CYGB: variants seen among roughly 807,000 people sequenced by gnomAD.
CYGB encodes histoglobin.
A neutral mutation model predicts 20.7 loss-of-function variants in CYGB; 13 were observed. The ratio of observed to expected loss-of-function variants is 0.63; its 90% CI spans 0.41 to 1.00. The LOEUF (loss-of-function observed/expected upper bound fraction) is 1.00. Ranked by LOEUF, CYGB falls within the 50% of genes least tolerant of loss-of-function variation. The pLI is 0.00. For synonymous variants in CYGB, 93 were observed against 107.4 expected (o/e 0.87, Z 0.83); for missense variants, 218 against 257.2 (o/e 0.85, Z 1.04).
chr17:76,531,613 C>T lies in CYGB; in HGVS notation c.222G>A (p.Arg74=), dbSNP rs1410874757. 6.2e-7 allele frequency: 1 copy of T among 1,613,578 alleles called. No individual in the cohort carries two copies. The highest frequency in any genetic ancestry group is 1.1e-5 in the South Asian group (1 of 91,078). ...KHMEDPLEME[R]SPQLRKHACR... ...AGGCGTGCTTCCGCAGCTGGGGGCT[C>T]CGCTCCATCTCCAGGGGATCCTCCA... is the stretch of plus-strand genomic sequence containing the variant. The change falls in exon 2 of 4, where the codon CGG becomes CGA. Residue 74 remains arginine, a synonymous_variant. Transcript: ENST00000293230. The surrounding 1 kb of genome is among the most constrained non-coding windows in gnomAD (Gnocchi z 7.4).
At chr17:76,540,015 TA>T (rs1472949544), upstream of CYGB, 19 of 1,002,832 alleles carry the variant, frequency 1.9e-5, no homozygotes, top group Non-Finnish European at 2.9e-5. The surrounding 1 kb of genome is among the most constrained non-coding windows in gnomAD (Gnocchi z 5.0). Flanking sequence ...TTGAGCCTCC[TA>T]ATCCATCCCC....
At chr17:76,541,771 C>T (rs753016011), upstream of CYGB, among the ~76,000 whole-genome samples, 1 of 152,158 alleles carries the variant, frequency 6.6e-6, no homozygotes, top group African/African-American at 2.4e-5. Flanking sequence ...CTATTGAGCC[C>T]GGGTCTAGAG....
upstream of CYGB, chr17:76,540,225 T>C: frequency 9.2e-7 from 1 of 1,086,358 alleles, no homozygotes; most frequent in South Asian, 1.3e-5. The surrounding 1 kb of genome is among the most constrained non-coding windows in gnomAD (Gnocchi z 5.0). Flanking sequence ...CGTGAGAAAC[T>C]GACCGGGCTA....
At position 76,537,446 on chromosome 17, in the gene CYGB, G is replaced by T. The variant is rs749158794; in HGVS notation, c.97C>A (p.Arg33=). 2 of 1,598,722 alleles carry T rather than the reference G, an allele frequency of 1.3e-6. No homozygotes were observed. The highest frequency in any genetic ancestry group is 2.3e-5 in the East Asian group (1 of 42,840). Residue 33 remains arginine, a synonymous_variant, in exon 1 of 4, where the codon CGG becomes AGG. Transcript: ENST00000293230. The part of the protein sequence containing the change: ...ERKAVQAMWA[R]LYANCEDVGV... ...ACGTCCTCGCAGTTGGCATAGAGCC[G>T]GGCCCACATAGCCTGCACCGCCTTC... is the stretch of plus-strand genomic sequence containing the variant.
intron 1 of CYGB, chr17:76,545,221 A>C (rs1223473188): frequency 4.4e-6 from 2 of 456,676 alleles, no homozygotes; most frequent in Admixed American, 2.3e-5. Context: ...TGCTGCAGAA[A>C]GTTACCTCTC....
At position 76,531,722 on chromosome 17, in the gene CYGB, G is replaced by A. The variant is rs1429109140; in HGVS notation, c.144-31C>T. ...AAGAGGAACAGGGGTGGTCGCTGAA[G>A]CTGGAGGCTGCCTCGGGCCCACCCT... On this transcript the variant is annotated intron_variant, in intron 1 of 3. Coordinates refer to ENST00000293230, the MANE Select transcript of CYGB (RefSeq NM_134268.5). The surrounding 1 kb of genome is among the most constrained non-coding windows in gnomAD (Gnocchi z 7.4). 1 of 1,553,710 alleles carries A rather than the reference G, an allele frequency of 6.4e-7. No individual in the cohort carries two copies. The highest frequency in any genetic ancestry group is 8.8e-7 in the Non-Finnish European group (1 of 1,140,192).
At chr17:76,541,013 G>T (rs62086577), upstream of CYGB, among the ~76,000 whole-genome samples, 5 of 152,098 alleles carry the variant, frequency 3.3e-5, no homozygotes, top group African/African-American at 1.2e-4. Flanking sequence ...TAGAAGGCGC[G>T]GGAGGAGCAT....
At position 76,529,222 on chromosome 17, in the gene CYGB, G is replaced by C. The variant is rs137920412; in HGVS notation, c.540-611C>G. 449 of 985,420 alleles carry C rather than the reference G, an allele frequency of 4.6e-4. 1 individual carries two copies. The African/African-American group carries it at 7.4e-3, about 16-fold the overall frequency. The allele number at this position is 985,420 out of a possible 1,614,324, so 61.0% of individuals were successfully genotyped here. A position where few individuals can be genotyped will look rare whatever the true frequency, so the allele number is the denominator to read the frequency against. On this transcript the variant is annotated intron_variant, in intron 3 of 3. Coordinates refer to ENST00000293230, the MANE Select transcript of CYGB (RefSeq NM_134268.5). ...GAGCCCATGGGGACCCTGGCAGCAG[G>C]GAGGCTCTGCAGGCTCAGGCCAGGG... is the stretch of plus-strand genomic sequence containing the variant.
At chr17:76,534,241 A>G (rs915265132) in intron 1 of CYGB, among the ~76,000 whole-genome samples, 7 of 146,358 alleles carry the variant, frequency 4.8e-5, no homozygotes, top group African/African-American at 1.3e-4. Context: ...CACTGGTGCA[A>G]TCTTGGCTCA....
upstream of CYGB, chr17:76,539,901 A>G: frequency 1.7e-6 from 1 of 591,024 alleles, no homozygotes; most frequent in Non-Finnish European, 3.0e-6. Flanking sequence ...ATACGTGCTC[A>G]ATGCCACAGT....
chr17:76,536,875 G>A (rs2074919902), intron 1 of CYGB, among the ~76,000 whole-genome samples: 1 of 152,174 alleles, frequency 6.6e-6, no homozygotes, highest in Non-Finnish European at 1.5e-5. Context: ...GGGCAGCTGG[G>A]AACACTGGAC....
intron 1 of CYGB, among the ~76,000 whole-genome samples, chr17:76,543,620 C>G (rs1384034834): frequency 2.6e-5 from 4 of 152,234 alleles, no homozygotes; most frequent in Non-Finnish European, 5.9e-5. Context: ...ACGCTCCTAC[C>G]CACCATGGCA....
chr17:76,540,375 G>A (rs947152822), upstream of CYGB: 68 of 1,293,702 alleles, frequency 5.3e-5, no homozygotes, highest in Non-Finnish European at 7.1e-5. This position sits in a 1 kb window ranked among gnomAD's most constrained non-coding sequence, Gnocchi z 5.0. Context: ...TCAGAGCAGG[G>A]GGACTTAGAG....
At chr17:76,539,272 G>C (rs1382487729), upstream of CYGB, among the ~76,000 whole-genome samples, 2 of 152,176 alleles carry the variant, frequency 1.3e-5, no homozygotes, top group Non-Finnish European at 2.9e-5. Context: ...GGTCCCCTTG[G>C]GATGTGGAAA....
chr17:76,528,904 A>G lies in CYGB; in HGVS notation c.540-293T>C. The G allele has an allele frequency of 8.4e-7, 1 of 1,194,728 alleles. No individual in the cohort carries two copies. Among genetic ancestry groups the G allele is most frequent in the Admixed American group, 4.5e-5 (1 of 22,420 alleles). The allele number at this position is 1,194,728 out of a possible 1,614,324, so 74.0% of individuals were successfully genotyped here. Reference sequence around the variant, plus strand: ...GGTAAAAAAGTGTTTCACAAACTGCAAAGCACGATACCAATGTGAGCTCTT... The same window carrying G: ...GGTAAAAAAGTGTTTCACAAACTGCGAAGCACGATACCAATGTGAGCTCTT... On this transcript the variant is annotated intron_variant, in intron 3 of 3. Transcript: ENST00000293230. The surrounding 1 kb of genome is among the most constrained non-coding windows in gnomAD (Gnocchi z 5.8).
chr17:76,540,244 G>A (rs746223894), upstream of CYGB: 98 of 1,437,460 alleles, frequency 6.8e-5, 1 homozygote, highest in South Asian at 1.1e-4. This position sits in a 1 kb window ranked among gnomAD's most constrained non-coding sequence, Gnocchi z 5.0. Context: ...TATGGCTGGC[G>A]GTTGGTCGGG....
At chr17:76,549,454 G>A (rs960224186) in intron 1 of CYGB, among the ~76,000 whole-genome samples, 1 of 152,236 alleles carries the variant, frequency 6.6e-6, no homozygotes, top group Non-Finnish European at 1.5e-5. Flanking sequence ...GCCTACCAGA[G>A]TGGTTACAGC....
At position 76,530,860 on chromosome 17, in the gene CYGB, G is replaced by T; in HGVS notation, c.539+119C>A. Reference sequence around the variant, plus strand: ...ACATGTCAGACCCCAGGGTTGGCCTGCCTCAAGTGTGCCTGCCCAGGTGAT... The same window carrying T: ...ACATGTCAGACCCCAGGGTTGGCCTTCCTCAAGTGTGCCTGCCCAGGTGAT... On this transcript the variant is annotated intron_variant, in intron 3 of 3. Transcript: ENST00000293230. The surrounding 1 kb of genome is among the most constrained non-coding windows in gnomAD (Gnocchi z 6.1). The T allele has an allele frequency of 8.4e-7, 1 of 1,195,400 alleles. No individual in the cohort carries two copies. Among genetic ancestry groups the T allele is most frequent in the Non-Finnish European group, 1.1e-6 (1 of 872,460 alleles). 74.0% of individuals were successfully genotyped at this position (1,195,400 alleles called of 1,614,324 possible).
upstream of CYGB, chr17:76,539,980 C>T (rs778170546): frequency 1.4e-5 from 10 of 707,892 alleles, no homozygotes; most frequent in Admixed American, 2.4e-5. Flanking sequence ...CTCACAAGGT[C>T]GGGGCCGCTG....
Sources: allele counts gnomAD v4.1 joint callset (sites outside exome capture counted in the v4.1 genomes callset), GRCh38; gene constraint gnomAD v4.1.1; non-coding constraint Gnocchi (gnomAD v3.1); transcripts MANE v1.5; gene names NCBI Gene and HGNC (gene_info 2026-07-23, HGNC 2026-07-21).